Variants in RASGEF1C observed in about 807,000 individuals in gnomAD.
RASGEF1C encodes the protein ras-GEF domain-containing family member 1C.
RASGEF1C carries 27 observed loss-of-function variants against 58.1 expected under a neutral mutation model. The ratio of observed to expected loss-of-function variants is 0.46; its 90% confidence interval spans 0.34 to 0.64. The LOEUF (loss-of-function observed/expected upper bound fraction) is 0.64. Among genes scored for constraint, RASGEF1C ranks in the 30% least tolerant of loss-of-function variants. The pLI is 0.01. For synonymous variants in RASGEF1C, 243 were observed against 246.3 expected (o/e 0.99, Z 0.13); for missense variants, 502 against 605.1 (o/e 0.83, Z 1.79).
intron 6 of RASGEF1C, among the ~76,000 whole-genome samples, chr5:180,121,376 C>T (rs570226863): frequency 1.5e-4 from 23 of 151,660 alleles, no homozygotes; most frequent in African/African-American, 4.6e-4. Flanking sequence ...TGCGGTGGCG[C>T]GATCTCGGCT....
chr5:180,183,903 G>A (rs1033530824), intron 1 of RASGEF1C, among the ~76,000 whole-genome samples: 5 of 152,122 alleles, frequency 3.3e-5, no homozygotes, highest in Admixed American at 2.6e-4. Context: ...CGGGTGTGAT[G>A]GCTCATGCCT....
At chr5:180,147,624 T>C (rs1766676796) in intron 1 of RASGEF1C, among the ~76,000 whole-genome samples, 1 of 152,206 alleles carries the variant, frequency 6.6e-6, no homozygotes. Flanking sequence ...CCTTCTATTA[T>C]TGATTTCTAA....
chr5:180,207,360 A>T (rs1452721701), intron 1 of RASGEF1C, among the ~76,000 whole-genome samples: 1 of 152,272 alleles, frequency 6.6e-6, no homozygotes, highest in African/African-American at 2.4e-5. Context: ...GTCCACTGAC[A>T]AGGCCTAGAG....
chr5:180,206,878 C>A (rs1756498807), intron 1 of RASGEF1C, among the ~76,000 whole-genome samples: 1 of 152,080 alleles, frequency 6.6e-6, no homozygotes, highest in Non-Finnish European at 1.5e-5. Flanking sequence ...ACTTGTTTTG[C>A]AGAAAGAGAC....
intron 6 of RASGEF1C, among the ~76,000 whole-genome samples, chr5:180,126,334 G>A (rs1200584862): frequency 1.3e-5 from 2 of 152,130 alleles, no homozygotes; most frequent in African/African-American, 2.4e-5. Context: ...GTGAACCCGG[G>A]AGGCGGAGCT....
At position 180,111,515 on chromosome 5, in the gene RASGEF1C, G is replaced by C. The variant is rs992160421; in HGVS notation, c.1245C>G (p.Phe415Leu). 1.2e-6 allele frequency: 2 copies of C among 1,614,098 alleles called. No homozygotes were observed. The highest frequency in any genetic ancestry group is 1.7e-6 in the Non-Finnish European group (2 of 1,180,034). ...AGTGGGTGATGCTGGCGTCTTGCTC[G>C]AAGGGACACTCCACTTGTTTCCAGG... ...FITWKQVECP[F>L]EQDASITHYL... is the part of the protein sequence containing the mutation. Residue 415 changes from phenylalanine to leucine, a missense_variant, in exon 12 of 14, where the codon TTC (phenylalanine) becomes TTG (leucine). By Grantham distance (22) the Phe-to-Leu change is conservative (BLOSUM62 0). Transcript: ENST00000361132.
intron 1 of RASGEF1C, among the ~76,000 whole-genome samples, chr5:180,190,695 A>T (rs1033061685): frequency 6.6e-6 from 1 of 151,720 alleles, no homozygotes; most frequent in Non-Finnish European, 1.5e-5. Flanking sequence ...TAAAAATTTT[A>T]AAAATTACAG....
rs1430176616 is a variant in RASGEF1C at position 180,156,102 on chromosome 5, AT to A, written c.-6-18045del. On this transcript the variant is annotated intron_variant, in intron 1 of 13. Transcript: ENST00000361132. This position sits in a 1 kb window ranked among gnomAD's most constrained non-coding sequence, Gnocchi z 4.9. ...TCTTCCTCAACCGGTCCCACTCCTCATCCCCCTAACCTCTAGACAAGACCAT... is the reference window on the plus strand; with the variant it reads ...TCTTCCTCAACCGGTCCCACTCCTCACCCCCTAACCTCTAGACAAGACCAT... 6.6e-6 allele frequency among the ~76,000 whole-genome samples: 1 copy of A among 152,120 alleles called. No individual in the cohort carries two copies. The highest frequency in any genetic ancestry group is 2.4e-5 in the African/African-American group (1 of 41,428).
rs572528630 is a variant in RASGEF1C at position 180,152,599 on chromosome 5, A to G, written c.-6-14541T>C. ...GAGGGGGGAGGGATAGCATTAGGAG[A>G]TATACCTAACGTTAAATGACGAGTT... On this transcript the variant is annotated intron_variant, in intron 1 of 13. Coordinates refer to ENST00000361132, the MANE Select transcript of RASGEF1C (RefSeq NM_175062.4). Among the ~76,000 whole-genome samples, 13 of 148,788 alleles carry G rather than the reference A, an allele frequency of 8.7e-5. No individual in the cohort carries two copies. The East Asian group carries it at 2.4e-3, about 27-fold the overall frequency.
chr5:180,202,332 A>G (rs543152950), intron 1 of RASGEF1C, among the ~76,000 whole-genome samples: 5 of 152,346 alleles, frequency 3.3e-5, no homozygotes, highest in African/African-American at 1.2e-4. Flanking sequence ...ATGGTACATA[A>G]TATTTAACAC....
chr5:180,191,293 A>G (rs985359383), intron 1 of RASGEF1C, among the ~76,000 whole-genome samples: 2 of 152,230 alleles, frequency 1.3e-5, no homozygotes, highest in Non-Finnish European at 1.5e-5. Flanking sequence ...GTAGGTATTT[A>G]TCCAAGAAAA....
intron 12 of RASGEF1C, among the ~76,000 whole-genome samples, chr5:180,107,687 C>T (rs1000761480): frequency 1.3e-5 from 2 of 152,132 alleles, no homozygotes; most frequent in African/African-American, 4.8e-5. Context: ...TGGCTCACTG[C>T]AATCTTTGCC....
chr5:180,162,128 T>C (rs1231221594), intron 1 of RASGEF1C, among the ~76,000 whole-genome samples: 1 of 152,232 alleles, frequency 6.6e-6, no homozygotes, highest in Non-Finnish European at 1.5e-5. Flanking sequence ...TCCTGGGTTG[T>C]CTAGCACTGG....
At chr5:180,101,616 C>G in intron 13 of RASGEF1C, 91 bp from the exon 14 acceptor site, 2 of 1,501,172 alleles carry the variant, frequency 1.3e-6, no homozygotes, top group South Asian at 2.3e-5. Context: ...TCTCAGTGCG[C>G]TGAGGAGAGC....
intron 12 of RASGEF1C, among the ~76,000 whole-genome samples, chr5:180,104,297 T>A (rs2113233554): frequency 6.6e-6 from 1 of 152,318 alleles, no homozygotes; most frequent in South Asian, 2.1e-4. Context: ...TCCACCCTCA[T>A]GGATGGGATT....
Position 180,107,095 on chromosome 5 carries a change from T to C in RASGEF1C, c.1303+4362A>G, listed in dbSNP as rs571875237. The stretch of plus-strand genomic sequence containing the variant: ...TAATATTGCTACTCTTGCTTTCCTC[T>C]AATTAATATTAGCATGCTATATCTT... On this transcript the variant is annotated intron_variant, in intron 12 of 13. Coordinates refer to ENST00000361132, the MANE Select transcript of RASGEF1C (RefSeq NM_175062.4). Among the ~76,000 whole-genome samples, 3 of 152,344 alleles carry C rather than the reference T, an allele frequency of 2.0e-5. No homozygotes were observed. The South Asian group carries it at 6.2e-4, about 32-fold the overall frequency.
rs73813826 is a variant in RASGEF1C at position 180,177,166 on chromosome 5, G to A, written c.-7+31862C>T. 0.029 allele frequency among the ~76,000 whole-genome samples: 4,466 copies of A among 152,260 alleles called. 230 individuals are homozygous for A. The highest frequency in any genetic ancestry group is 0.1 in the African/African-American group (4,216 of 41,540). On this transcript the variant is annotated intron_variant, in intron 1 of 13. Coordinates refer to ENST00000361132, the MANE Select transcript of RASGEF1C (RefSeq NM_175062.4). This position sits in a 1 kb window ranked among gnomAD's most constrained non-coding sequence, Gnocchi z 5.0. ...GGGGCTGGATGAGGGGCAGTGGGATGGGGGGCTGGCTGGGCTACTTCCAGA... is the reference window on the plus strand; with the variant it reads ...GGGGCTGGATGAGGGGCAGTGGGATAGGGGGCTGGCTGGGCTACTTCCAGA...
intron 1 of RASGEF1C, among the ~76,000 whole-genome samples, chr5:180,154,630 G>T (rs1356358577): frequency 6.7e-6 from 1 of 150,362 alleles, no homozygotes; most frequent in Non-Finnish European, 1.5e-5. Context: ...GCCCAGCCTG[G>T]AGTGCAGTGG....
chr5:180,135,047 C>CCT (rs1554112752), intron 4 of RASGEF1C, among the ~76,000 whole-genome samples: 4 of 140,310 alleles, frequency 2.9e-5, no homozygotes, highest in Non-Finnish European at 6.3e-5. Flanking sequence ...CTGTCCCCAC[C>CCT]CCCCCCGTCC....
Sources: allele counts gnomAD v4.1 joint callset (sites outside exome capture counted in the v4.1 genomes callset), GRCh38; gene constraint gnomAD v4.1.1; non-coding constraint Gnocchi (gnomAD v3.1); transcripts MANE v1.5; gene names NCBI Gene and HGNC (gene_info 2026-07-23, HGNC 2026-07-21).